YWHAE: variants seen among roughly 807,000 people sequenced by gnomAD.
The protein encoded by YWHAE is 14-3-3 protein epsilon.
In YWHAE, 4 loss-of-function variants were observed where a neutral mutation model predicts 30.1. The observed-to-expected ratio is 0.13, with a 90% CI of 0.07 to 0.30. The LOEUF is 0.30. YWHAE is among the 10% of genes least tolerant of loss of function. The pLI is 1.00. For synonymous variants in YWHAE, 118 were observed against 111.8 expected (o/e 1.06, Z -0.35); for missense variants, 121 against 315.9 (o/e 0.38, Z 4.68).
chr17:1,355,115 T>TAACAAAA (rs2072712838), intron 4 of YWHAE, among the ~76,000 whole-genome samples: 4 of 72,366 alleles, frequency 5.5e-5, no homozygotes, highest in African/African-American at 2.1e-4. Context: ...CCAAGATTTT[T>TAACAAAA]TAAAAAAAAA....
rs1466385809 is a variant in YWHAE at position 1,354,984 on chromosome 17, T to TG, written c.579-638_579-637insC. 6.2e-5 allele frequency among the ~76,000 whole-genome samples: 6 copies of TG among 96,634 alleles called. No individual in the cohort carries two copies. In the East Asian group the frequency reaches 6.6e-4, roughly 11 times the overall value. 63.4% of individuals were successfully genotyped at this position (96,634 alleles called of 152,430 possible). A position where few individuals can be genotyped will look rare whatever the true frequency, so the allele number is the denominator to read the frequency against. On this transcript the variant is annotated intron_variant, in intron 4 of 5. Transcript: ENST00000264335. ...GCCTAGTTTTTTTTTTTTTTTTTTT[T>TG]TTTTTTTTTTTTTAAGGGATTCGTT...
intron 1 of YWHAE, among the ~76,000 whole-genome samples, chr17:1,394,019 G>T (rs2073427094): frequency 6.6e-6 from 1 of 152,100 alleles, no homozygotes. Flanking sequence ...TAAAGAACAA[G>T]CATCAAGCAT....
At chr17:1,363,606 C>T (rs1002998967) in intron 2 of YWHAE, among the ~76,000 whole-genome samples, 1 of 152,198 alleles carries the variant, frequency 6.6e-6, no homozygotes, top group African/African-American at 2.4e-5. Context: ...ATGTCAAACA[C>T]CCAAAACCCT....
At chr17:1,368,325 G>C (rs554130516) in intron 1 of YWHAE, among the ~76,000 whole-genome samples, 7 of 151,754 alleles carry the variant, frequency 4.6e-5, no homozygotes, top group African/African-American at 1.7e-4. Flanking sequence ...GCACTGAGTG[G>C]AGATCGCGCC....
At chr17:1,354,975 T>G (rs898191861) in intron 4 of YWHAE, among the ~76,000 whole-genome samples, 40 of 70,248 alleles carry the variant, frequency 5.7e-4, no homozygotes, top group East Asian at 1.0e-3. Flanking sequence ...TTTTTTTTTT[T>G]TTTTTTTTTT....
intron 1 of YWHAE, among the ~76,000 whole-genome samples, chr17:1,392,053 A>C (rs1047433718): frequency 2.6e-5 from 4 of 152,126 alleles, no homozygotes; most frequent in African/African-American, 9.7e-5. Context: ...TACAAAAATT[A>C]GCCAGAAGTG....
intron 1 of YWHAE, among the ~76,000 whole-genome samples, chr17:1,396,128 G>A (rs1490633629): frequency 6.6e-6 from 1 of 150,934 alleles, no homozygotes; most frequent in African/African-American, 2.4e-5. Flanking sequence ...TCAAAAAAAA[G>A]ACAGCTCTTG....
intron 1 of YWHAE, among the ~76,000 whole-genome samples, chr17:1,374,795 G>A (rs1000365843): frequency 7.2e-5 from 11 of 152,128 alleles, no homozygotes; most frequent in Admixed American, 7.2e-4. Flanking sequence ...TTATTGGTAT[G>A]TAGGAGTTGT....
Position 1,345,503 on chromosome 17 carries a change from T to C in YWHAE, c.716-4A>G, listed in dbSNP as rs751258677. ...GCTTCTTTATTCTGCTCTTCACCTG[T>C]TAAAAAAGAAAAAAAGTCAATTATT... is the stretch of plus-strand genomic sequence containing the variant. On this transcript the variant is annotated splice_polypyrimidine_tract_variant and splice_region_variant and intron_variant, in intron 5 of 5. Transcript: ENST00000264335. 5 of 1,613,366 alleles carry C rather than the reference T, an allele frequency of 3.1e-6. No homozygotes were observed. The highest frequency in any genetic ancestry group is 3.4e-6 in the Non-Finnish European group (4 of 1,179,738).
intron 1 of YWHAE, among the ~76,000 whole-genome samples, chr17:1,395,539 CACT>C (rs1243081256): frequency 2.0e-5 from 3 of 152,090 alleles, no homozygotes; most frequent in Admixed American, 6.6e-5. Flanking sequence ...GGATTTTTAA[CACT>C]ACGTTACTCA....
chr17:1,362,216 C>G (rs986989015), intron 2 of YWHAE, among the ~76,000 whole-genome samples: 55 of 152,076 alleles, frequency 3.6e-4, no homozygotes, highest in African/African-American at 1.3e-3. Context: ...TGCATGCTGC[C>G]TATTGTTACA....
At chr17:1,390,292 T>C (rs2073370357) in intron 1 of YWHAE, among the ~76,000 whole-genome samples, 1 of 152,238 alleles carries the variant, frequency 6.6e-6, no homozygotes, top group African/African-American at 2.4e-5. Flanking sequence ...GGGAATAATC[T>C]GGACGACCTT....
intron 1 of YWHAE, among the ~76,000 whole-genome samples, chr17:1,389,168 G>C (rs1040171062): frequency 6.6e-6 from 1 of 152,140 alleles, no homozygotes; most frequent in African/African-American, 2.4e-5. Context: ...GTCTCACTAT[G>C]TTGCCCAGGC....
At chr17:1,380,786 A>T (rs2073194994) in intron 1 of YWHAE, among the ~76,000 whole-genome samples, 1 of 152,138 alleles carries the variant, frequency 6.6e-6, no homozygotes. Flanking sequence ...CATATATTTA[A>T]TCCCATATCT....
chr17:1,355,360 CGT>C (rs1491205460), intron 4 of YWHAE, among the ~76,000 whole-genome samples: 2 of 151,182 alleles, frequency 1.3e-5, no homozygotes, highest in South Asian at 2.1e-4. Flanking sequence ...AGGGTTTCAC[CGT>C]GTTAGCCAGG....
intron 1 of YWHAE, among the ~76,000 whole-genome samples, chr17:1,369,953 T>A (rs1408352976): frequency 1.3e-5 from 2 of 152,076 alleles, no homozygotes; most frequent in Non-Finnish European, 2.9e-5. Flanking sequence ...GTTGGAAGGT[T>A]TTTGCCTTGA....
At chr17:1,355,960 A>G (rs1044529148) in intron 4 of YWHAE, among the ~76,000 whole-genome samples, 1 of 152,044 alleles carries the variant, frequency 6.6e-6, no homozygotes, top group Non-Finnish European at 1.5e-5. Context: ...CGTGGTTAGG[A>G]GATCGAGACC....
intron 1 of YWHAE, among the ~76,000 whole-genome samples, chr17:1,384,655 C>T (rs1241072397): frequency 6.6e-6 from 1 of 152,018 alleles, no homozygotes; most frequent in African/African-American, 2.4e-5. Flanking sequence ...TCTTGAACTC[C>T]TGACATTATG....
intron 5 of YWHAE, chr17:1,347,888 C>T (rs896044558): frequency 3.2e-5 from 28 of 872,890 alleles, no homozygotes; most frequent in South Asian, 5.3e-5. Context: ...AGCAACAGGA[C>T]GATCATACGC....
Sources: gnomAD v4.1 joint callset for allele counts (sites outside exome capture counted in the v4.1 genomes callset) on GRCh38, gnomAD v4.1.1 for gene constraint, MANE v1.5 for transcripts, NCBI Gene and HGNC (gene_info 2026-07-23, HGNC 2026-07-21) for gene names.